CACNB4: variants seen among roughly 807,000 people sequenced by gnomAD.
CACNB4 encodes the protein calcium voltage-gated channel auxiliary subunit beta 4, also known as voltage-dependent L-type calcium channel subunit beta-4.
In CACNB4, 32 loss-of-function variants were observed where a neutral mutation model predicts 71.2. The observed-to-expected ratio is 0.45, with a 90% confidence interval of 0.34 to 0.60. The LOEUF (loss-of-function observed/expected upper bound fraction) is 0.60. CACNB4 is among the 20% of genes least tolerant of loss of function. The pLI is 0.01. For missense variants in CACNB4, 464 were observed against 647.9 expected (o/e 0.72, Z 3.08); for synonymous variants, 231 against 236.9 (o/e 0.97, Z 0.23).
intron 2 of CACNB4, among the ~76,000 whole-genome samples, chr2:151,900,916 T>C (rs2099853216): frequency 1.3e-5 from 2 of 151,674 alleles, no homozygotes; most frequent in African/African-American, 4.8e-5. Flanking sequence ...GGAAAAAACA[T>C]CTTTTAATTT....
chr2:152,077,788 C>A (rs2345638), intron 2 of CACNB4, among the ~76,000 whole-genome samples: 91,611 of 151,906 alleles, frequency 0.6, 29,690 homozygotes, highest in East Asian at 0.85. Context: ...TAAGCTGAAA[C>A]ACGAAGATGA....
In CACNB4 at chr2:152,074,968, CAG is replaced by C. The variant is rs567710559; in HGVS notation, c.147+23360_147+23361del. Among the ~76,000 whole-genome samples the C allele has an allele frequency of 7.6e-4, 116 of 152,254 alleles. 2 individuals carry two copies. Among genetic ancestry groups the C allele is most frequent in the East Asian group, 5.2e-3 (27 of 5,178 alleles). ...CACTCTAGGATGTTCCCCCAACAAA[CAG>C]AGAAACAGGCAGAGGCTTTAAAATG... On this transcript the variant is annotated intron_variant, in intron 2 of 13. Transcript: ENST00000539935.
rs191385780 is a variant in CACNB4, at chr2:151,869,426, C to G, written c.700-191G>C. 4.7e-4 allele frequency: 250 copies of G among 532,900 alleles called. 1 individual carries two copies. The highest frequency in any genetic ancestry group is 6.7e-4 in the Non-Finnish European group (198 of 295,058). 33.0% of individuals were successfully genotyped at this position (532,900 alleles called of 1,614,324 possible). ...CATGTGCAATTGCTAATTTCCACCC[C>G]CCTTGGTTCTCCTCCAGGGTGTTGA... On this transcript the variant is annotated intron_variant, in intron 8 of 13. Transcript: ENST00000539935.
At chr2:151,855,436 A>T in intron 10 of CACNB4, 61 bp from the exon 11 acceptor site, 2 of 1,248,092 alleles carry the variant, frequency 1.6e-6, no homozygotes. Flanking sequence ...TTACATTAGA[A>T]AGATATAGTA....
At chr2:152,012,173 T>C (rs1244580449) in intron 2 of CACNB4, among the ~76,000 whole-genome samples, 1 of 151,816 alleles carries the variant, frequency 6.6e-6, no homozygotes, top group Non-Finnish European at 1.5e-5. Context: ...GAAGGCATCA[T>C]TGTCATAGCA....
chr2:152,035,603 T>TCTCTC (rs1684522467), intron 2 of CACNB4, among the ~76,000 whole-genome samples: 4 of 69,728 alleles, frequency 5.7e-5, no homozygotes, highest in Non-Finnish European at 6.0e-5. Context: ...CTCTCTCTCT[T>TCTCTC]TCTCTCTCTC....
At chr2:152,078,352 G>A (rs1216416398) in intron 2 of CACNB4, among the ~76,000 whole-genome samples, 1 of 152,094 alleles carries the variant, frequency 6.6e-6, no homozygotes, top group Non-Finnish European at 1.5e-5. Flanking sequence ...CAAATATGTC[G>A]ACTACCAAAG....
chr2:152,078,918 C>T (rs943153056), intron 2 of CACNB4, among the ~76,000 whole-genome samples: 5 of 152,122 alleles, frequency 3.3e-5, no homozygotes, highest in Non-Finnish European at 5.9e-5. Context: ...GGCAGAGTTT[C>T]ACAAGCCAGT....
intron 2 of CACNB4, among the ~76,000 whole-genome samples, chr2:151,923,883 C>G (rs1001915913): frequency 3.3e-5 from 5 of 152,008 alleles, no homozygotes; most frequent in African/African-American, 1.2e-4. Context: ...AAAATTAAAG[C>G]AAGGTAATAC....
At chr2:151,949,637 ATG>A (rs2099866422) in intron 2 of CACNB4, among the ~76,000 whole-genome samples, 1 of 152,198 alleles carries the variant, frequency 6.6e-6, no homozygotes, top group Non-Finnish European at 1.5e-5. Flanking sequence ...AGCAAGGGCC[ATG>A]ATGTCAAGGT....
rs571550038 is a variant in CACNB4, at chr2:151,977,650, A to G, written c.148-94280T>C. On this transcript the variant is annotated intron_variant, in intron 2 of 13. Transcript: ENST00000539935. Reference sequence around the variant, plus strand: ...ATTAGCTATTAGCTATGAGATTTAAATAGCCATGATCAAGACAAACTGGTG... The same window carrying G: ...ATTAGCTATTAGCTATGAGATTTAAGTAGCCATGATCAAGACAAACTGGTG... Among the ~76,000 whole-genome samples the G allele has an allele frequency of 6.6e-5, 10 of 152,354 alleles. No homozygotes were observed. The East Asian group carries it at 1.7e-3, about 26-fold the overall frequency.
Position 151,855,224 on chromosome 2 carries a change from C to A in CACNB4, c.1020G>T (p.Lys340Asn). 1 of 1,531,450 alleles carries A rather than the reference C, an allele frequency of 6.5e-7. No homozygotes were observed. Among genetic ancestry groups the A allele is most frequent in the Non-Finnish European group, 8.9e-7 (1 of 1,121,892 alleles). The allele number at this position is 1,531,450 out of a possible 1,614,324, so 94.9% of individuals were successfully genotyped here. A position where few individuals can be genotyped will look rare whatever the true frequency, so the allele number is the denominator to read the frequency against. Residue 340 changes from lysine (K) to asparagine (N), a missense_variant and splice_region_variant, in exon 11 of 14, where the codon AAG (lysine) becomes AAT (asparagine). Transcript: ENST00000539935. ...CTTAAGGCAGAAAGGAGCTAATTAC[C>A]TTTGGAGATGAGACTTTTACATGAA... ...IIVHVKVSSP[K>N]VLQRLIKSRG...
chr2:151,884,943 A>AG (rs1055322629), intron 2 of CACNB4, among the ~76,000 whole-genome samples: 5 of 152,214 alleles, frequency 3.3e-5, no homozygotes, highest in Admixed American at 2.0e-4. Flanking sequence ...CTGTCCACTG[A>AG]GTGGGGGAAA....
intron 2 of CACNB4, among the ~76,000 whole-genome samples, chr2:151,893,971 A>G (rs1242553485): frequency 6.6e-6 from 1 of 152,240 alleles, no homozygotes; most frequent in Middle Eastern, 3.2e-3. Flanking sequence ...CTACAGGCCA[A>G]TGCCAATATC....
intron 2 of CACNB4, among the ~76,000 whole-genome samples, chr2:152,042,439 C>A (rs972721596): frequency 6.6e-6 from 1 of 152,140 alleles, no homozygotes. Context: ...ACCTTTCGGG[C>A]CTCTGAGGAT....
chr2:151,977,448 T>G (rs370095068), intron 2 of CACNB4, among the ~76,000 whole-genome samples: 2 of 152,332 alleles, frequency 1.3e-5, no homozygotes, highest in Non-Finnish European at 2.9e-5. Context: ...ACACATTATT[T>G]TCAGTTCTTT....
chr2:151,861,074 C>T, intron 9 of CACNB4: 1 of 469,050 alleles, frequency 2.1e-6, no homozygotes, highest in South Asian at 3.0e-5. Context: ...TCCATTATGG[C>T]CTGCCTTGCT....
intron 2 of CACNB4, among the ~76,000 whole-genome samples, chr2:152,048,169 C>T (rs1315045351): frequency 6.6e-6 from 1 of 151,968 alleles, no homozygotes; most frequent in Non-Finnish European, 1.5e-5. Context: ...TGACAGCATC[C>T]CTGGTCTCTA....
intron 2 of CACNB4, among the ~76,000 whole-genome samples, chr2:151,941,222 A>G (rs2099864143): frequency 6.6e-6 from 1 of 151,240 alleles, no homozygotes; most frequent in African/African-American, 2.4e-5. Flanking sequence ...GTTGTCATGC[A>G]TTGTGTAAAA....
Sources: gnomAD v4.1 joint callset for allele counts (sites outside exome capture counted in the v4.1 genomes callset) on GRCh38, gnomAD v4.1.1 for gene constraint, MANE v1.5 for transcripts, NCBI Gene and HGNC (gene_info 2026-07-23, HGNC 2026-07-21) for gene names.